CACNA1S: variants seen among roughly 807,000 people sequenced by gnomAD.
The protein encoded by CACNA1S is voltage-dependent L-type calcium channel subunit alpha-1S.
CACNA1S carries 126 observed loss-of-function variants against 207.4 expected under a neutral mutation model. That is an observed-to-expected ratio of 0.61 (90% CI 0.53 to 0.70). CACNA1S has a LOEUF of 0.70. CACNA1S is among the 30% of genes least tolerant of loss of function. CACNA1S has a pLI of 0.00. For synonymous variants in CACNA1S, 960 were observed against 932.7 expected, an observed-to-expected ratio of 1.03 and a Z score of -0.53; for missense variants, 2,349 against 2,422.8, an observed-to-expected ratio of 0.97 and a Z score of 0.64.
In CACNA1S at chr1:201,070,405, C is replaced by T; in HGVS notation, c.2228-1G>A. ...TCAGGCTCATCTTCCTCGTCATCCCCTGTGGGGAGAGAGAGAGGAATTAGG... is the reference window on the plus strand; with the variant it reads ...TCAGGCTCATCTTCCTCGTCATCCCTTGTGGGGAGAGAGAGAGGAATTAGG... On this transcript the variant is annotated splice_acceptor_variant, in intron 16 of 43. Transcript: ENST00000362061. LOFTEE classifies it high-confidence loss of function. The T allele has an allele frequency of 6.2e-7, 1 of 1,613,872 alleles. No homozygotes were observed. The highest frequency in any genetic ancestry group is 1.1e-5 in the South Asian group (1 of 91,072).
intron 28 of CACNA1S, among the ~76,000 whole-genome samples, chr1:201,056,078 C>CACACACACACAT (rs1553249510): frequency 2.2e-5 from 3 of 137,012 alleles, no homozygotes; most frequent in African/African-American, 7.8e-5. Flanking sequence ...CAGACACACA[C>CACACACACACAT]ACACACACAC....
At chr1:201,074,690 G>A (rs1285117112) in intron 13 of CACNA1S, 70 bp from the exon 14 acceptor site, 3 of 973,322 alleles carry the variant, frequency 3.1e-6, no homozygotes, top group Admixed American at 3.9e-5. Flanking sequence ...AGTTCTGTCT[G>A]CCTGCATGTG....
intron 36 of CACNA1S, among the ~76,000 whole-genome samples, chr1:201,048,220 G>A (rs760004283): frequency 6.6e-6 from 1 of 152,226 alleles, no homozygotes; most frequent in Non-Finnish European, 1.5e-5. Context: ...CAGATTTAGT[G>A]GAGTCGAATG....
chr1:201,072,697 C>G, intron 16 of CACNA1S, 58 bp downstream of exon 16: 1 of 1,313,028 alleles, frequency 7.6e-7, no homozygotes, highest in Non-Finnish European at 1.1e-6. Flanking sequence ...AATTCAGGAC[C>G]GGCACACCCC....
At chr1:201,072,627 G>T (rs1661465090) in intron 16 of CACNA1S, 128 bp downstream of exon 16, 2 of 769,678 alleles carry the variant, frequency 2.6e-6, no homozygotes, top group Admixed American at 1.7e-5. Context: ...TGTCTCCGGT[G>T]TTCTGATCTC....
chr1:201,112,155 A>ACCC, intron 1 of CACNA1S, 33 bp downstream of exon 1: 1 of 1,439,936 alleles, frequency 6.9e-7, no homozygotes. Context: ...CATGACGCAC[A>ACCC]CCCCCCCCCA....
Position 201,059,207 on chromosome 1 carries a change from G to A in CACNA1S, c.3507C>T (p.Leu1169=). Residue 1169 remains leucine (L), a synonymous_variant, in exon 27 of 44, where the codon CTC becomes CTT. Transcript: ENST00000362061. ...CACTCACCCTGGCCTTGAAGGCCAT[G>A]AGCTTGAGGATCATCTCCAGGGTGA... is the stretch of plus-strand genomic sequence containing the variant. ...IIFTLEMILK[L]MAFKARGYFG... is the part of the protein sequence containing the mutation. The A allele has an allele frequency of 6.2e-7, 1 of 1,613,264 alleles. No homozygotes were observed.
At position 201,062,015 on chromosome 1, in the gene CACNA1S, G is replaced by C. The variant is rs1308774924; in HGVS notation, c.2982C>G (p.Asp994Glu). 1 of 1,614,232 alleles carries C rather than the reference G, an allele frequency of 6.2e-7. No individual in the cohort carries two copies. The change falls in exon 24 of 44, where the codon GAC (aspartate) becomes GAG (glutamate). Residue 994 changes from aspartate to glutamate, a missense_variant. Coordinates refer to ENST00000362061, the MANE Select transcript of CACNA1S (RefSeq NM_000069.3). ...CTGAGAGCACATTGTCGAAGTGGAA[G>C]TCGCTGTGTACCCACTCGCGGTGAC... ...ELRHREWVHS[D>E]FHFDNVLSAM... is the part of the protein sequence containing the mutation.
chr1:201,078,062 A>G lies in CACNA1S; in HGVS notation c.1436T>C (p.Met479Thr). 1 of 1,614,192 alleles carries G rather than the reference A, an allele frequency of 6.2e-7. No homozygotes were observed. Among genetic ancestry groups the G allele is most frequent in the Non-Finnish European group, 8.5e-7 (1 of 1,180,026 alleles). Residue 479 changes from methionine to threonine, a missense_variant, in exon 11 of 44, where the codon ATG becomes ACG. Physicochemically the swap from Met to Thr is moderately conservative, Grantham distance 81. Coordinates refer to ENST00000362061, the MANE Select transcript of CACNA1S (RefSeq NM_000069.3). The stretch of plus-strand genomic sequence containing the variant: ...GCCCAGCCCGTACATCTTCATCAGC[A>G]TCTCAGTGGTGAAGAGGGACAGCAG... Reference protein sequence around the residue: ...RVLLSLFTTEMLMKMYGLGLR... With the variant: ...RVLLSLFTTETLMKMYGLGLR...
At chr1:201,086,173 G>A (rs904880127) in intron 7 of CACNA1S, among the ~76,000 whole-genome samples, 19 of 152,190 alleles carry the variant, frequency 1.2e-4, no homozygotes, top group Admixed American at 6.5e-5. Context: ...GAGGAGCTGC[G>A]CCTGGCAGCC....
At chr1:201,103,804 C>T (rs2102181710) in intron 2 of CACNA1S, among the ~76,000 whole-genome samples, 1 of 152,290 alleles carries the variant, frequency 6.6e-6, no homozygotes, top group South Asian at 2.1e-4. Flanking sequence ...CATTCCAGAC[C>T]CTATAAAAAG....
intron 28 of CACNA1S, among the ~76,000 whole-genome samples, chr1:201,055,784 G>A (rs1660819358): frequency 1.3e-5 from 2 of 152,124 alleles, no homozygotes; most frequent in South Asian, 2.1e-4. Context: ...ACTGGTAAGG[G>A]ACATCTGCTA....
intron 2 of CACNA1S, among the ~76,000 whole-genome samples, chr1:201,101,611 C>A (rs887363401): frequency 6.6e-6 from 1 of 152,236 alleles, no homozygotes; most frequent in African/African-American, 2.4e-5. Flanking sequence ...GAGAGAGACT[C>A]GCACCTTTCA....
intron 16 of CACNA1S, among the ~76,000 whole-genome samples, chr1:201,071,028 C>T (rs1181618846): frequency 6.6e-6 from 1 of 152,170 alleles, no homozygotes; most frequent in Admixed American, 6.5e-5. Context: ...GATGAAGAGA[C>T]GGACATTCCA....
intron 10 of CACNA1S, among the ~76,000 whole-genome samples, chr1:201,082,534 T>C (rs916143902): frequency 6.6e-6 from 1 of 152,200 alleles, no homozygotes; most frequent in African/African-American, 2.4e-5. Context: ...TGTTTACCTA[T>C]CCTTTAAGAT....
At chr1:201,103,836 G>A (rs1662772006) in intron 2 of CACNA1S, among the ~76,000 whole-genome samples, 1 of 152,214 alleles carries the variant, frequency 6.6e-6, no homozygotes, top group South Asian at 2.1e-4. Flanking sequence ...GGCTGCCAGA[G>A]GCTTAGGCTC....
chr1:201,074,655 G>A (rs1474735567), intron 13 of CACNA1S, 35 bp from the exon 14 acceptor site: 1 of 1,383,104 alleles, frequency 7.2e-7, no homozygotes, highest in Non-Finnish European at 1.0e-6. Context: ...TTTGGTTGTA[G>A]GTGGAAGGGA....
At chr1:201,104,686 T>C (rs887827412) in intron 2 of CACNA1S, among the ~76,000 whole-genome samples, 1 of 152,256 alleles carries the variant, frequency 6.6e-6, no homozygotes, top group African/African-American at 2.4e-5. Flanking sequence ...TTTTTGAACA[T>C]CATACTTTGA....
intron 25 of CACNA1S, 112 bp downstream of exon 25, chr1:201,061,155 G>A: frequency 2.2e-6 from 2 of 907,634 alleles, no homozygotes; most frequent in Non-Finnish European, 3.5e-6. Context: ...GGCATCAAAT[G>A]CAGGTTCTGG....
Sources: allele counts gnomAD v4.1 joint callset (sites outside exome capture counted in the v4.1 genomes callset), GRCh38; gene constraint gnomAD v4.1.1; transcripts MANE v1.5; gene names NCBI Gene and HGNC (gene_info 2026-07-23, HGNC 2026-07-21).